The following HEMK2 variants were observed in gnomAD, a reference collection of about 807,000 sequenced individuals.
HEMK2 encodes the protein methyltransferase HEMK2.
the HEMK2 span, among the ~76,000 whole-genome samples, chr21:28,805,750 G>A: frequency 2.8e-4 from 43 of 151,486 alleles, no homozygotes; most frequent in African/African-American, 9.4e-4. Context: ...TGATTCTTTC[G>A]GCTGGGTAGA....
the HEMK2 span, among the ~76,000 whole-genome samples, chr21:28,813,452 T>G: frequency 1.3e-5 from 2 of 152,146 alleles, no homozygotes; most frequent in Non-Finnish European, 2.9e-5. Flanking sequence ...GGAAAAACAT[T>G]CCATGTTCAC....
the HEMK2 span, among the ~76,000 whole-genome samples, chr21:28,833,248 G>A: frequency 5.4e-4 from 83 of 152,302 alleles, no homozygotes; most frequent in African/African-American, 1.4e-3. Flanking sequence ...AAATAAAACC[G>A]CACAGAATTT....
the HEMK2 span, among the ~76,000 whole-genome samples, chr21:28,638,926 C>G: frequency 1.3e-5 from 2 of 152,216 alleles, no homozygotes; most frequent in African/African-American, 4.8e-5. Context: ...TCATCACCAC[C>G]ACATTCCATT....
At chr21:28,872,582 C>A in the HEMK2 span, 1 of 152,172 alleles carries the variant, frequency 6.6e-6, no homozygotes, top group Non-Finnish European at 1.5e-5. Context: ...TCTAATATAT[C>A]TTTTACCAGT....
the HEMK2 span, among the ~76,000 whole-genome samples, chr21:28,621,995 C>T: frequency 6.6e-6 from 1 of 152,148 alleles, no homozygotes; most frequent in African/African-American, 2.4e-5. Flanking sequence ...ACTAGGATTG[C>T]AAGCCCTGCT....
chr21:28,810,417 T>C, the HEMK2 span, among the ~76,000 whole-genome samples: 1 of 152,168 alleles, frequency 6.6e-6, no homozygotes, highest in East Asian at 1.9e-4. Context: ...TAAAGAAATA[T>C]CCGCTAGTAC....
the HEMK2 span, among the ~76,000 whole-genome samples, chr21:28,864,923 T>TAGATAGATAGATAGATAGACAGAC: frequency 8.1e-6 from 1 of 123,742 alleles, no homozygotes; most frequent in African/African-American, 2.8e-5. Context: ...TATAGATAGA[T>TAGATAGATAGATAGATAGACAGAC]AGACAGACAG....
At chr21:28,771,872 C>G in the HEMK2 span, among the ~76,000 whole-genome samples, 1 of 151,768 alleles carries the variant, frequency 6.6e-6, no homozygotes. Context: ...ATCCTGCTTA[C>G]TACCACTGCT....
chr21:28,864,789 G>C, the HEMK2 span, among the ~76,000 whole-genome samples: 7 of 150,900 alleles, frequency 4.6e-5, no homozygotes, highest in Non-Finnish European at 1.5e-5. Flanking sequence ...AAGTCACCTC[G>C]ACTCCTACCT....
At chr21:28,738,495 T>C in the HEMK2 span, among the ~76,000 whole-genome samples, 1 of 152,218 alleles carries the variant, frequency 6.6e-6, no homozygotes, top group East Asian at 1.9e-4. Flanking sequence ...CGTCTCCCTC[T>C]TGCTGTCCTC....
the HEMK2 span, among the ~76,000 whole-genome samples, chr21:28,609,076 C>T: frequency 1.3e-5 from 2 of 152,198 alleles, no homozygotes. Flanking sequence ...CTCTTGAAAG[C>T]ACCATCTCCT....
chr21:28,859,172 ATCTCG>A, the HEMK2 span, among the ~76,000 whole-genome samples: 1 of 152,182 alleles, frequency 6.6e-6, no homozygotes, highest in African/African-American at 2.4e-5. Flanking sequence ...CCTGGTGTGT[ATCTCG>A]TCTCATCAGT....
At chr21:28,880,696 T>C in the HEMK2 span, among the ~76,000 whole-genome samples, 5 of 151,292 alleles carry the variant, frequency 3.3e-5, no homozygotes, top group African/African-American at 7.3e-5. Context: ...TGAGCCAAGA[T>C]TGCGCCACTA....
At chr21:28,788,705 CAA>C in the HEMK2 span, among the ~76,000 whole-genome samples, 76 of 126,490 alleles carry the variant, frequency 6.0e-4, no homozygotes, top group Middle Eastern at 3.6e-3. Flanking sequence ...TTAGGTACTC[CAA>C]AAAAAAAAAA....
At chr21:28,614,916 A>G in the HEMK2 span, among the ~76,000 whole-genome samples, 17,402 of 152,102 alleles carry the variant, frequency 0.11, 1,450 homozygotes, top group African/African-American at 0.23. Context: ...TTGCTTTTTC[A>G]GTGAGGCCTT....
chr21:28,623,596 A>C, the HEMK2 span, among the ~76,000 whole-genome samples: 58 of 152,346 alleles, frequency 3.8e-4, no homozygotes, highest in Non-Finnish European at 7.1e-4. Flanking sequence ...AATGCCCATC[A>C]GTGATGGACT....
chr21:28,601,603 C>CATCTCTCTCT, the HEMK2 span, among the ~76,000 whole-genome samples: 4 of 97,446 alleles, frequency 4.1e-5, no homozygotes, highest in Non-Finnish European at 8.4e-5. Flanking sequence ...CACCTTCTGA[C>CATCTCTCTCT]ATCTCTCTCT....
At chr21:28,871,318 G>T in the HEMK2 span, among the ~76,000 whole-genome samples, 1 of 152,152 alleles carries the variant, frequency 6.6e-6, no homozygotes, top group Non-Finnish European at 1.5e-5. Flanking sequence ...GGCACAAGGT[G>T]AAGAGGAAGG....
the HEMK2 span, among the ~76,000 whole-genome samples, chr21:28,616,218 T>G: frequency 7.9e-5 from 12 of 152,192 alleles, no homozygotes; most frequent in Non-Finnish European, 1.3e-4. Flanking sequence ...ATAGTGCTAA[T>G]AATATAAGCA....
Sources: gnomAD v4.1 joint callset for allele counts (sites outside exome capture counted in the v4.1 genomes callset) on GRCh38, gnomAD v4.1.1 for gene constraint, MANE v1.5 for transcripts, NCBI Gene and HGNC (gene_info 2026-07-23, HGNC 2026-07-21) for gene names.